DNM3: variants seen among roughly 807,000 people sequenced by gnomAD.
DNM3 encodes the protein dynamin-3.
In DNM3, 47 loss-of-function variants were observed where a neutral mutation model predicts 101.6. The ratio of observed to expected loss-of-function variants is 0.46; its 90% confidence interval spans 0.37 to 0.59. The LOEUF is 0.59. DNM3 is among the 20% of genes least tolerant of loss of function. The pLI, the probability that DNM3 is intolerant of heterozygous loss-of-function variation, is 0.00. For synonymous variants in DNM3, 385 were observed against 387.9 expected, an observed-to-expected ratio of 0.99 and a Z score of 0.09; for missense variants, 849 against 1,085.7, an observed-to-expected ratio of 0.78 and a Z score of 3.06.
chr1:172,012,164 TG>T (rs1429028880), intron 4 of DNM3, among the ~76,000 whole-genome samples: 1 of 152,022 alleles, frequency 6.6e-6, no homozygotes, highest in Admixed American at 6.6e-5. Flanking sequence ...TAGTCCTAGG[TG>T]AATGTTCAGG....
chr1:172,215,682 C>A (rs935491244), intron 14 of DNM3, among the ~76,000 whole-genome samples: 1 of 151,896 alleles, frequency 6.6e-6, no homozygotes, highest in Non-Finnish European at 1.5e-5. Context: ...TATAAATTTT[C>A]TTTTGAAATT....
intron 1 of DNM3, among the ~76,000 whole-genome samples, chr1:171,853,128 C>A (rs2033169379): frequency 6.6e-6 from 1 of 152,082 alleles, no homozygotes; most frequent in Admixed American, 6.6e-5. Context: ...TTCCATGAAG[C>A]AGCTGTGGTT....
At chr1:171,950,234 C>G (rs1167656522) in intron 2 of DNM3, among the ~76,000 whole-genome samples, 2 of 152,154 alleles carry the variant, frequency 1.3e-5, no homozygotes, top group African/African-American at 4.8e-5. Flanking sequence ...TAGTATGATT[C>G]TGCAGATGGT....
intron 14 of DNM3, among the ~76,000 whole-genome samples, chr1:172,177,841 C>T (rs1181671267): frequency 1.3e-5 from 2 of 151,862 alleles, no homozygotes; most frequent in Non-Finnish European, 2.9e-5. Flanking sequence ...AGGTCATGCA[C>T]ATCCTCAGTA....
Position 171,974,866 on chromosome 1 carries a change from C to CTTTTTTT in DNM3, c.236-12789_236-12788insTTTTTTT, listed in dbSNP as rs202081677. 5.3e-5 allele frequency among the ~76,000 whole-genome samples: 8 copies of CTTTTTTT among 149,566 alleles called. 1 individual carries two copies. The highest frequency in any genetic ancestry group is 2.0e-4 in the African/African-American group (8 of 40,424). ...TCCTTCTCCCCCTCTTCTTCTTCTA[C>CTTTTTTT]TGTTTTTTTTTTTGAGTTGGGGTCT... On this transcript the variant is annotated intron_variant, in intron 2 of 20. Coordinates refer to ENST00000627582, the MANE Select transcript of DNM3 (RefSeq NM_015569.5).
chr1:171,911,345 A>G (rs1006182746), intron 1 of DNM3, among the ~76,000 whole-genome samples: 14 of 141,788 alleles, frequency 9.9e-5, no homozygotes, highest in Non-Finnish European at 2.1e-4. Context: ...CAGTGGTGCA[A>G]TCTCGGCTCA....
chr1:172,321,866 G>A (rs757811244), intron 16 of DNM3, among the ~76,000 whole-genome samples: 7 of 152,000 alleles, frequency 4.6e-5, no homozygotes, highest in African/African-American at 7.2e-5. Context: ...TTTTATTCCC[G>A]GTAAAATTCC....
At chr1:172,063,191 C>G (rs1481751735) in intron 10 of DNM3, among the ~76,000 whole-genome samples, 4 of 152,176 alleles carry the variant, frequency 2.6e-5, no homozygotes, top group Non-Finnish European at 5.9e-5. Context: ...CCTAATAACT[C>G]CAGTCTTTGC....
At chr1:172,126,948 C>T (rs934492724) in intron 13 of DNM3, among the ~76,000 whole-genome samples, 8 of 152,100 alleles carry the variant, frequency 5.3e-5, no homozygotes, top group African/African-American at 1.4e-4. Flanking sequence ...TTATTTTCTA[C>T]ATCACGTGTG....
chr1:172,329,638 C>T (rs1194185587), intron 17 of DNM3, among the ~76,000 whole-genome samples: 8 of 151,924 alleles, frequency 5.3e-5, no homozygotes, highest in East Asian at 3.9e-4. Flanking sequence ...TTAAAGCTTT[C>T]GTATGAGACA....
chr1:172,148,194 C>CTA (rs2057991146), intron 14 of DNM3, among the ~76,000 whole-genome samples: 1 of 152,028 alleles, frequency 6.6e-6, no homozygotes, highest in Admixed American at 6.6e-5. Context: ...TGCGCTTTCA[C>CTA]AGTTTTGTAC....
At chr1:172,415,257 G>A (rs9425604), downstream of DNM3, 26,610 of 152,162 alleles carry the variant, frequency 0.17, 2,865 homozygotes, top group East Asian at 0.36. Flanking sequence ...GAGTCTTAAT[G>A]AGACTTATGA....
At chr1:172,048,852 ATGT>A (rs2125862700) in intron 10 of DNM3, 102 bp downstream of exon 10, 2 of 1,410,130 alleles carry the variant, frequency 1.4e-6, no homozygotes, top group South Asian at 2.8e-5. Context: ...TTTGTTATAG[ATGT>A]TGTGTGTTTG....
rs1410761879 is a variant in DNM3 at position 172,037,207 on chromosome 1, T to C, written c.850-1112T>C. ...ACTGTTGGTGGGACTGTAAACTAGT[T>C]CAACCCTTGTGGAAGTCAGTGTCTT... is the stretch of plus-strand genomic sequence containing the variant. On this transcript the variant is annotated intron_variant, in intron 6 of 20. Coordinates refer to ENST00000627582, the MANE Select transcript of DNM3 (RefSeq NM_015569.5). 2.0e-5 allele frequency among the ~76,000 whole-genome samples: 3 copies of C among 152,304 alleles called. No homozygotes were observed. In the East Asian group the frequency reaches 5.8e-4, roughly 29 times the overall value.
At chr1:172,383,995 C>G (rs997847112) in intron 18 of DNM3, among the ~76,000 whole-genome samples, 1 of 152,100 alleles carries the variant, frequency 6.6e-6, no homozygotes, top group Admixed American at 6.5e-5. Flanking sequence ...TAAATGCTAT[C>G]ATCTAAAAGG....
chr1:172,356,603 AC>A (rs2067465209), intron 17 of DNM3, among the ~76,000 whole-genome samples: 2 of 151,984 alleles, frequency 1.3e-5, no homozygotes, highest in Admixed American at 1.3e-4. Context: ...CCAGGTCATT[AC>A]CTAAGCAAGG....
intron 16 of DNM3, among the ~76,000 whole-genome samples, chr1:172,314,497 G>A (rs1476233332): frequency 6.6e-6 from 1 of 152,190 alleles, no homozygotes; most frequent in Non-Finnish European, 1.5e-5. Flanking sequence ...GGAAAGGGGT[G>A]ACAGACGGCA....
At chr1:171,907,311 G>C (rs1021271648) in intron 1 of DNM3, among the ~76,000 whole-genome samples, 3 of 152,100 alleles carry the variant, frequency 2.0e-5, no homozygotes, top group Non-Finnish European at 2.9e-5. Flanking sequence ...GACCAACATG[G>C]AGAAACCCCG....
At chr1:172,297,886 T>A (rs892400885) in intron 15 of DNM3, among the ~76,000 whole-genome samples, 12 of 152,104 alleles carry the variant, frequency 7.9e-5, no homozygotes, top group African/African-American at 2.9e-4. Flanking sequence ...AAAAAATATG[T>A]CTTTTATAAT....
Sources: allele counts gnomAD v4.1 joint callset (sites outside exome capture counted in the v4.1 genomes callset), GRCh38; gene constraint gnomAD v4.1.1; transcripts MANE v1.5; gene names NCBI Gene and HGNC (gene_info 2026-07-23, HGNC 2026-07-21).